The following NHEJ1 variants were observed in gnomAD, a reference collection of about 807,000 sequenced individuals.
The protein encoded by NHEJ1 is non-homologous end-joining factor 1.
Under a neutral mutation model 39.4 loss-of-function variants are expected in NHEJ1, and 22 were observed. The ratio of observed to expected loss-of-function variants is 0.56; its 90% CI spans 0.40 to 0.80. The LOEUF is 0.80. Among genes scored for constraint, NHEJ1 ranks in the 30% least tolerant of loss-of-function variants. The probability of loss-of-function intolerance (pLI) is 0.00; values close to 1 mark genes in which losing one functional copy is unlikely to be tolerated. For missense variants in NHEJ1, 329 were observed against 357.1 expected (o/e 0.92, Z 0.63); for synonymous variants, 154 against 135.6 (o/e 1.14, Z -0.94).
intron 5 of NHEJ1, among the ~76,000 whole-genome samples, chr2:219,119,710 T>C (rs1474580043): frequency 6.6e-6 from 1 of 152,228 alleles, no homozygotes; most frequent in Non-Finnish European, 1.5e-5. Context: ...TAATTCACCA[T>C]AAATCCTAAA....
intron 5 of NHEJ1, among the ~76,000 whole-genome samples, chr2:219,100,004 G>A (rs1317957857): frequency 1.3e-5 from 2 of 152,200 alleles, no homozygotes; most frequent in Non-Finnish European, 2.9e-5. Context: ...GGTCCACTGA[G>A]GGGAGGGGTG....
chr2:219,110,657 C>T (rs766207650), intron 5 of NHEJ1, among the ~76,000 whole-genome samples: 10 of 151,632 alleles, frequency 6.6e-5, no homozygotes, highest in South Asian at 2.1e-4. Context: ...ATGGGGTGGC[C>T]GGGAAGTCCT....
Position 219,120,699 on chromosome 2 carries a change from G to A in NHEJ1, c.588+25981C>T, listed in dbSNP as rs191436945. On this transcript the variant is annotated intron_variant, in intron 5 of 7. Coordinates refer to ENST00000356853, the MANE Select transcript of NHEJ1 (RefSeq NM_024782.3). ...TTATATGCAAGTATTTCCCCCAAATGTCAACTTGGGAAATATGTGGGGCTC... is the reference window on the plus strand; with the variant it reads ...TTATATGCAAGTATTTCCCCCAAATATCAACTTGGGAAATATGTGGGGCTC... 1.4e-4 allele frequency among the ~76,000 whole-genome samples: 21 copies of A among 152,248 alleles called. 1 individual carries two copies. Among genetic ancestry groups the A allele is most frequent in the Admixed American group, 1.3e-3 (20 of 15,290 alleles).
At chr2:219,124,364 C>T (rs1320457965) in intron 5 of NHEJ1, among the ~76,000 whole-genome samples, 1 of 152,150 alleles carries the variant, frequency 6.6e-6, no homozygotes, top group East Asian at 1.9e-4. Context: ...TTTGAGTTCT[C>T]ACCATCCAGC....
chr2:219,083,621 G>C (rs927687769), intron 5 of NHEJ1, among the ~76,000 whole-genome samples: 1 of 152,040 alleles, frequency 6.6e-6, no homozygotes, highest in Non-Finnish European at 1.5e-5. Context: ...AGGAGGGAAA[G>C]GAGAGAGACA....
At chr2:219,083,116 G>A (rs1949080958) in intron 5 of NHEJ1, among the ~76,000 whole-genome samples, 1 of 152,184 alleles carries the variant, frequency 6.6e-6, no homozygotes, top group African/African-American at 2.4e-5. Flanking sequence ...TGTGGTGTTT[G>A]GGATTATTTA....
chr2:219,083,602 G>A (rs1418556111), intron 5 of NHEJ1, among the ~76,000 whole-genome samples: 1 of 152,038 alleles, frequency 6.6e-6, no homozygotes, highest in Non-Finnish European at 1.5e-5. Context: ...GGTTTATTTT[G>A]AGAGAGAGAG....
intron 1 of NHEJ1, among the ~76,000 whole-genome samples, chr2:219,159,552 C>CATATATATATGCATATATATATATGCAT (rs747107160): frequency 1.5e-5 from 1 of 66,376 alleles, no homozygotes; most frequent in Admixed American, 1.6e-4. Context: ...TATATATATG[C>CATATATATATGCATATATATATATGCAT]ATATATATAT....
intron 5 of NHEJ1, among the ~76,000 whole-genome samples, chr2:219,085,244 G>A (rs1173343427): frequency 6.6e-6 from 1 of 152,214 alleles, no homozygotes; most frequent in Non-Finnish European, 1.5e-5. Context: ...ATTTTTAGAA[G>A]ACAACTGTTT....
chr2:219,159,788 G>A (rs1949910978), intron 1 of NHEJ1, among the ~76,000 whole-genome samples: 1 of 100,602 alleles, frequency 9.9e-6, no homozygotes, highest in South Asian at 3.5e-4. Flanking sequence ...CGCGAATAAA[G>A]TCGCCACTTT....
intron 5 of NHEJ1, among the ~76,000 whole-genome samples, chr2:219,086,229 C>T (rs1045302191): frequency 6.6e-6 from 1 of 152,054 alleles, no homozygotes; most frequent in Non-Finnish European, 1.5e-5. Flanking sequence ...ATTTACTTGT[C>T]ATGACTTGAA....
At position 219,137,257 on chromosome 2, in the gene NHEJ1, G is replaced by A. The variant is rs1202793743; in HGVS notation, c.588+9423C>T. ...CTGGTACATTCATATTTTCAGTAAG[G>A]AAAACAATTCTTTTATATGCCCACG... On this transcript the variant is annotated intron_variant, in intron 5 of 7. Coordinates refer to ENST00000356853, the MANE Select transcript of NHEJ1 (RefSeq NM_024782.3). 5.3e-5 allele frequency among the ~76,000 whole-genome samples: 8 copies of A among 152,110 alleles called. No individual in the cohort carries two copies. The East Asian group carries it at 1.5e-3, about 29-fold the overall frequency.
chr2:219,149,593 G>C (rs1322629697), intron 3 of NHEJ1, among the ~76,000 whole-genome samples: 1 of 152,172 alleles, frequency 6.6e-6, no homozygotes, highest in Non-Finnish European at 1.5e-5. Flanking sequence ...TCCAGCCTGG[G>C]TGACAGAACA....
At chr2:219,080,394 G>A (rs1949051194) in intron 5 of NHEJ1, among the ~76,000 whole-genome samples, 1 of 151,772 alleles carries the variant, frequency 6.6e-6, no homozygotes, top group South Asian at 2.1e-4. Flanking sequence ...GCACGGTGGT[G>A]GGCGCCTGTA....
intron 3 of NHEJ1, among the ~76,000 whole-genome samples, chr2:219,156,390 G>A (rs1010418350): frequency 2.6e-5 from 4 of 152,316 alleles, no homozygotes; most frequent in African/African-American, 4.8e-5. Context: ...ATGTCCTCTT[G>A]TCTTCAGATC....
chr2:219,126,546 G>A lies in NHEJ1; in HGVS notation c.588+20134C>T, dbSNP rs1228373948. 2.0e-5 allele frequency among the ~76,000 whole-genome samples: 3 copies of A among 152,282 alleles called. No individual in the cohort carries two copies. The East Asian group carries it at 5.8e-4, about 29-fold the overall frequency. On this transcript the variant is annotated intron_variant, in intron 5 of 7. Coordinates refer to ENST00000356853, the MANE Select transcript of NHEJ1 (RefSeq NM_024782.3). ...TATGCGAATCAAATGAAATCAAAAA[G>A]GCAAAAGTTCTCTGCAGAATTCATA...
In NHEJ1 at chr2:219,072,882, A is replaced by T. The variant is rs947057116; in HGVS notation, c.*3499T>A. ...TCCTAGTGACAATGTAAGGAACGAA[A>T]CCAGGAGGAGCAGCACAGCCTTTTC... On this transcript the variant is annotated 3_prime_UTR_variant, in exon 8 of 8. Transcript: ENST00000356853. Among the ~76,000 whole-genome samples the T allele has an allele frequency of 1.6e-4, 25 of 152,318 alleles. No homozygotes were observed. The East Asian group carries it at 4.6e-3, about 28-fold the overall frequency.
chr2:219,144,989 T>C (rs1574740142), intron 5 of NHEJ1, among the ~76,000 whole-genome samples: 2 of 151,978 alleles, frequency 1.3e-5, no homozygotes, highest in Non-Finnish European at 2.9e-5. Flanking sequence ...TCAAGGAGGG[T>C]GGATCACTTG....
chr2:219,108,420 T>C (rs1228818540), intron 5 of NHEJ1, among the ~76,000 whole-genome samples: 2 of 152,204 alleles, frequency 1.3e-5, no homozygotes, highest in Non-Finnish European at 2.9e-5. Context: ...GTAAAGAGCC[T>C]ATGTCTTTGA....
Sources: gnomAD v4.1 joint callset for allele counts (sites outside exome capture counted in the v4.1 genomes callset) on GRCh38, gnomAD v4.1.1 for gene constraint, MANE v1.5 for transcripts, NCBI Gene and HGNC (gene_info 2026-07-23, HGNC 2026-07-21) for gene names.